The following CSMD1 variants were observed in gnomAD, a reference collection of about 807,000 sequenced individuals.
The protein encoded by CSMD1 is CUB and Sushi multiple domains 1.
In CSMD1, 213 loss-of-function variants were observed where a neutral mutation model predicts 417.5. The ratio of observed to expected loss-of-function variants is 0.51; its 90% CI spans 0.46 to 0.57. The LOEUF (loss-of-function observed/expected upper bound fraction) is 0.57, where lower values mean the gene tolerates loss of function less well. Among genes scored for constraint, CSMD1 ranks in the 20% least tolerant of loss-of-function variants. CSMD1 has a pLI of 0.00. For missense variants in CSMD1, 6,923 were observed against 4,529.7 expected (o/e 1.53, Z -15.17); for synonymous variants, 2,862 against 1,736.8 (o/e 1.65, Z -16.11).
At chr8:3,271,722 T>C (rs557501987) in intron 26 of CSMD1, among the ~76,000 whole-genome samples, 1 of 152,208 alleles carries the variant, frequency 6.6e-6, no homozygotes, top group African/African-American at 2.4e-5. Flanking sequence ...GCTGCATAAA[T>C]GTCTTCTTTT....
At chr8:3,612,653 A>G (rs1433050205) in intron 8 of CSMD1, among the ~76,000 whole-genome samples, 1 of 152,162 alleles carries the variant, frequency 6.6e-6, no homozygotes, top group Admixed American at 6.6e-5. Context: ...ATATGGCAAC[A>G]AAATAGAAAA....
chr8:3,701,788 T>C (rs1289284880), intron 7 of CSMD1, among the ~76,000 whole-genome samples: 1 of 152,192 alleles, frequency 6.6e-6, no homozygotes, highest in East Asian at 1.9e-4. Context: ...TATGTGGCCT[T>C]CTAAAAACAG....
At chr8:3,890,553 C>A (rs1331281378) in intron 5 of CSMD1, among the ~76,000 whole-genome samples, 2 of 151,810 alleles carry the variant, frequency 1.3e-5, no homozygotes, top group Admixed American at 1.3e-4. Flanking sequence ...TCTCAAAGGA[C>A]AAAATAATAG....
chr8:3,438,069 A>G (rs150866288), intron 12 of CSMD1, among the ~76,000 whole-genome samples: 1,974 of 152,316 alleles, frequency 0.013, 18 homozygotes, highest in Non-Finnish European at 0.022. Flanking sequence ...CATAGAATTT[A>G]CCCAGTAGAA....
intron 3 of CSMD1, among the ~76,000 whole-genome samples, chr8:4,395,562 T>C (rs1370443196): frequency 1.3e-5 from 2 of 151,870 alleles, no homozygotes; most frequent in Admixed American, 6.6e-5. Context: ...GCTATAACTA[T>C]CTGAAAGAAA....
At chr8:4,120,615 C>G (rs1291091703) in intron 3 of CSMD1, among the ~76,000 whole-genome samples, 1 of 152,200 alleles carries the variant, frequency 6.6e-6, no homozygotes, top group African/African-American at 2.4e-5. Flanking sequence ...GCCAAATAGA[C>G]AGTCTGTGTA....
chr8:3,112,751 T>C (rs532597005), intron 42 of CSMD1, among the ~76,000 whole-genome samples: 105 of 152,232 alleles, frequency 6.9e-4, no homozygotes, highest in African/African-American at 2.4e-3. Context: ...AAGTTTAAAA[T>C]TCAACGGGTG....
chr8:3,514,791 A>T (rs757525663), intron 10 of CSMD1, among the ~76,000 whole-genome samples: 1 of 152,184 alleles, frequency 6.6e-6, no homozygotes, highest in African/African-American at 2.4e-5. Context: ...TTAGTGATTA[A>T]ACTGTAACTT....
chr8:4,878,110 G>A (rs907429095), intron 1 of CSMD1, among the ~76,000 whole-genome samples: 6 of 152,048 alleles, frequency 3.9e-5, no homozygotes, highest in Non-Finnish European at 5.9e-5. Flanking sequence ...AACCCTCAGC[G>A]TGTTCTGTTT....
chr8:3,108,663 C>T lies in CSMD1; in HGVS notation c.6694G>A (p.Val2232Ile). The T allele has an allele frequency of 6.2e-7, 1 of 1,613,786 alleles. No individual in the cohort carries two copies. Among genetic ancestry groups the T allele is most frequent in the South Asian group, 1.1e-5 (1 of 91,012 alleles). ...LETAYSSTNQVLLKFHSDFSN... is the reference protein window; with the variant it reads ...LETAYSSTNQILLKFHSDFSN... ...AAGTCGCTGTGGAACTTGAGCAGGA[C>T]TTGGTTGGTGGAGCTATACGCCGTT... The change falls in exon 44 of 70, where the codon GTC becomes ATC. Residue 2232 changes from valine to isoleucine, a missense_variant. By Grantham distance (29) the Val-to-Ile change is conservative. Transcript: ENST00000635120.
intron 39 of CSMD1, among the ~76,000 whole-genome samples, chr8:3,156,010 G>T (rs1006157703): frequency 6.6e-6 from 1 of 152,198 alleles, no homozygotes; most frequent in Admixed American, 6.5e-5. Context: ...GGGAAATTAG[G>T]CTGTCAGAAG....
chr8:4,697,524 AT>A (rs1412428839), intron 1 of CSMD1, among the ~76,000 whole-genome samples: 1 of 152,142 alleles, frequency 6.6e-6, no homozygotes, highest in African/African-American at 2.4e-5. Flanking sequence ...TATGTCCTGT[AT>A]TGTTTACTCA....
intron 7 of CSMD1, chr8:3,702,226 G>A (rs1424323172): frequency 6.6e-6 from 1 of 152,168 alleles, no homozygotes; most frequent in East Asian, 1.9e-4. Flanking sequence ...ACAAAGTGTT[G>A]TAACTGCAAA....
At chr8:3,400,042 T>C (rs11136620) in intron 15 of CSMD1, among the ~76,000 whole-genome samples, 79,000 of 151,970 alleles carry the variant, frequency 0.52, 20,928 homozygotes, top group Middle Eastern at 0.61. Flanking sequence ...CAAAACAAAA[T>C]GTTCAATCAA....
intron 1 of CSMD1, among the ~76,000 whole-genome samples, chr8:4,792,202 G>C (rs560202963): frequency 6.6e-6 from 1 of 151,982 alleles, no homozygotes; most frequent in South Asian, 2.1e-4. Context: ...AACACAATTA[G>C]CCAGACACAA....
At chr8:4,219,072 C>G (rs1800862212) in intron 3 of CSMD1, among the ~76,000 whole-genome samples, 1 of 152,162 alleles carries the variant, frequency 6.6e-6, no homozygotes, top group Admixed American at 6.5e-5. Flanking sequence ...ACCGTCTACT[C>G]TATCACTTTT....
At chr8:3,890,385 G>T (rs1458207040) in intron 5 of CSMD1, among the ~76,000 whole-genome samples, 8 of 152,016 alleles carry the variant, frequency 5.3e-5, no homozygotes, top group Non-Finnish European at 1.0e-4. Flanking sequence ...AATAGACTGT[G>T]GAAAACAAAG....
At chr8:3,805,960 C>A (rs148277860) in intron 5 of CSMD1, among the ~76,000 whole-genome samples, 1 of 152,276 alleles carries the variant, frequency 6.6e-6, no homozygotes, top group South Asian at 2.1e-4. Flanking sequence ...GCTCCTTCTT[C>A]TTCCGTCTTC....
intron 22 of CSMD1, among the ~76,000 whole-genome samples, chr8:3,345,555 C>T (rs12543457): frequency 0.14 from 21,212 of 152,118 alleles, 1,758 homozygotes; most frequent in African/African-American, 0.23. Context: ...GGATGAGGAA[C>T]AGGCTACACC....
Sources: gnomAD v4.1 joint callset for allele counts (sites outside exome capture counted in the v4.1 genomes callset) on GRCh38, gnomAD v4.1.1 for gene constraint, MANE v1.5 for transcripts, NCBI Gene and HGNC (gene_info 2026-07-23, HGNC 2026-07-21) for gene names.